NKD1: variants seen among roughly 807,000 people sequenced by gnomAD.
NKD1 encodes protein naked cuticle homolog 1.
Under a neutral mutation model 56.0 loss-of-function variants are expected in NKD1, and 21 were observed. That is an observed-to-expected ratio of 0.38 (90% CI 0.27 to 0.54). The LOEUF is 0.54. Ranked by LOEUF, NKD1 falls within the 20% of genes least tolerant of loss-of-function variation. The probability of loss-of-function intolerance (pLI) is 0.82; values close to 1 mark genes in which losing one functional copy is unlikely to be tolerated. For missense variants in NKD1, 578 were observed against 642.7 expected, an observed-to-expected ratio of 0.90 and a Z score of 1.09; for synonymous variants, 263 against 265.7, an observed-to-expected ratio of 0.99 and a Z score of 0.10.
chr16:50,560,856 A>ATCTC (rs1301678611), intron 3 of NKD1, among the ~76,000 whole-genome samples: 3 of 151,716 alleles, frequency 2.0e-5, no homozygotes, highest in African/African-American at 4.9e-5. Flanking sequence ...CTATCTATCT[A>ATCTC]TCTATCTACA....
intron 3 of NKD1, chr16:50,606,995 C>A (rs1383194358): frequency 6.6e-6 from 3 of 457,006 alleles, no homozygotes; most frequent in South Asian, 4.6e-5. Flanking sequence ...AGCCAGTTTA[C>A]AAGCCCAGGA....
At position 50,623,996 on chromosome 16, in the gene NKD1, G is replaced by A. The variant is rs74017748; in HGVS notation, c.367-1489G>A. On this transcript the variant is annotated intron_variant, in intron 5 of 9. Coordinates refer to ENST00000268459, the MANE Select transcript of NKD1 (RefSeq NM_033119.5). This position sits in a 1 kb window ranked among gnomAD's most constrained non-coding sequence, Gnocchi z 4.1. ...GGCTTTGAACTCAGCGTGGGCGCCC[G>A]AGAATTGCTGGAGGGAAATGGCTTA... Among the ~76,000 whole-genome samples, 3,395 of 152,128 alleles carry A rather than the reference G, an allele frequency of 0.022. 138 individuals are homozygous for A. Among genetic ancestry groups the A allele is most frequent in the African/African-American group, 0.076 (3,171 of 41,466 alleles).
At chr16:50,625,862 C>G (rs1289037119) in intron 6 of NKD1, among the ~76,000 whole-genome samples, 2 of 152,242 alleles carry the variant, frequency 1.3e-5, no homozygotes, top group Non-Finnish European at 2.9e-5. Context: ...GGTGCAGAGC[C>G]CTAGGGCCTC....
At chr16:50,560,932 G>T (rs1960617542) in intron 3 of NKD1, among the ~76,000 whole-genome samples, 1 of 152,014 alleles carries the variant, frequency 6.6e-6, no homozygotes, top group East Asian at 1.9e-4. Flanking sequence ...AAAAACGCTG[G>T]TGTGGGTCAC....
Position 50,598,441 on chromosome 16 carries a change from C to T in NKD1, c.193-9853C>T, listed in dbSNP as rs1961524242. 6.6e-6 allele frequency among the ~76,000 whole-genome samples: 1 copy of T among 152,196 alleles called. No individual in the cohort carries two copies. The highest frequency in any genetic ancestry group is 2.1e-4 in the South Asian group (1 of 4,832). ...CCAGGCTTCTTGGGTCCCCAAGCCC[C>T]TTCCCTGGGCAGGAGCACACATCCT... On this transcript the variant is annotated intron_variant, in intron 3 of 9. Coordinates refer to ENST00000268459, the MANE Select transcript of NKD1 (RefSeq NM_033119.5). This position sits in a 1 kb window ranked among gnomAD's most constrained non-coding sequence, Gnocchi z 4.2.
intron 3 of NKD1, among the ~76,000 whole-genome samples, chr16:50,583,005 C>T (rs575827420): frequency 1.2e-4 from 18 of 151,952 alleles, no homozygotes; most frequent in Admixed American, 4.6e-4. Context: ...GACTCCATCC[C>T]GGGAAAAAAA....
intron 4 of NKD1, chr16:50,616,199 G>C: frequency 2.4e-6 from 1 of 412,052 alleles, no homozygotes; most frequent in South Asian, 1.7e-5. Flanking sequence ...GTTCTGGCTT[G>C]TGTTAAATCT....
intron 2 of NKD1, among the ~76,000 whole-genome samples, chr16:50,549,154 C>CA (rs1739870190): frequency 6.6e-6 from 1 of 151,202 alleles, no homozygotes; most frequent in African/African-American, 2.4e-5. Flanking sequence ...TCCTGGCTGC[C>CA]AGTGCTCCCT....
intron 3 of NKD1, among the ~76,000 whole-genome samples, chr16:50,604,277 T>TA (rs1201328368): frequency 1.3e-5 from 2 of 152,162 alleles, no homozygotes; most frequent in Admixed American, 6.5e-5. Flanking sequence ...TAAAACAGGG[T>TA]AATCATGGCA....
In NKD1 at chr16:50,548,462, G is replaced by A; in HGVS notation, c.-92G>A. On this transcript the variant is annotated 5_prime_UTR_variant, in exon 1 of 10. Coordinates refer to ENST00000268459, the MANE Select transcript of NKD1 (RefSeq NM_033119.5). ...CGCCTCGGGCTCCGCTCGGCTCGGG[G>A]GCTGCTTCGGGAGGAGGAGAGCCAA... 3 of 1,037,566 alleles carry A rather than the reference G, an allele frequency of 2.9e-6. No homozygotes were observed. The highest frequency in any genetic ancestry group is 3.8e-6 in the Non-Finnish European group (3 of 781,880). 64.3% of individuals were successfully genotyped at this position (1,037,566 alleles called of 1,614,324 possible).
At chr16:50,616,987 C>T (rs370957185) in intron 4 of NKD1, among the ~76,000 whole-genome samples, 1 of 152,184 alleles carries the variant, frequency 6.6e-6, no homozygotes, top group Non-Finnish European at 1.5e-5. Context: ...AGGAGCTCAC[C>T]CTGTTGTACT....
chr16:50,551,164 G>GCT (rs1960375238), intron 3 of NKD1, among the ~76,000 whole-genome samples: 1 of 139,566 alleles, frequency 7.2e-6, no homozygotes, highest in South Asian at 2.6e-4. Context: ...AAAGTCTGTC[G>GCT]TTTTTAATTA....
At position 50,632,931 on chromosome 16, in the gene NKD1, G is replaced by T. The variant is rs1040474370; in HGVS notation, c.824-261G>T. On this transcript the variant is annotated intron_variant, in intron 9 of 9. Transcript: ENST00000268459. This position sits in a 1 kb window ranked among gnomAD's most constrained non-coding sequence, Gnocchi z 4.1. The stretch of plus-strand genomic sequence containing the variant: ...GCCCCAGTGACCTTAGATAGTTTTC[G>T]GGGTCTCTGCTGCCATCTGTCTTTC... Among the ~76,000 whole-genome samples the T allele has an allele frequency of 7.2e-5, 11 of 152,014 alleles. No individual in the cohort carries two copies. The highest frequency in any genetic ancestry group is 2.7e-4 in the African/African-American group (11 of 41,364).
At chr16:50,608,631 G>A (rs886892817) in intron 4 of NKD1, among the ~76,000 whole-genome samples, 3 of 152,206 alleles carry the variant, frequency 2.0e-5, no homozygotes, top group African/African-American at 4.8e-5. Context: ...ATCTCGGACA[G>A]GTTGTTGAAA....
intron 6 of NKD1, among the ~76,000 whole-genome samples, chr16:50,629,856 C>T (rs376864365): frequency 1.3e-5 from 2 of 152,160 alleles, no homozygotes; most frequent in East Asian, 3.8e-4. Flanking sequence ...ATTTCTAAAC[C>T]CTCCCTCTAT....
At chr16:50,584,962 C>T (rs1030538175) in intron 3 of NKD1, among the ~76,000 whole-genome samples, 7 of 152,320 alleles carry the variant, frequency 4.6e-5, no homozygotes, top group East Asian at 3.9e-4. Context: ...CCTGGCTGCA[C>T]GGACCCCCGA....
chr16:50,625,037 G>A (rs560764618), intron 5 of NKD1, among the ~76,000 whole-genome samples: 1 of 152,262 alleles, frequency 6.6e-6, no homozygotes, highest in Admixed American at 6.5e-5. Context: ...ACACAGCTGT[G>A]GAGGGGCCTG....
At position 50,623,199 on chromosome 16, in the gene NKD1, C is replaced by T. The variant is rs1299820419; in HGVS notation, c.366+1491C>T. ...GATGGTGGGACATGGGGGAGACGCC[C>T]TGTGTGCAGGGTCTCTGGTGACCGA... On this transcript the variant is annotated intron_variant, in intron 5 of 9. Coordinates refer to ENST00000268459, the MANE Select transcript of NKD1 (RefSeq NM_033119.5). This position sits in a 1 kb window ranked among gnomAD's most constrained non-coding sequence, Gnocchi z 4.1. Among the ~76,000 whole-genome samples, 1 of 151,800 alleles carries T rather than the reference C, an allele frequency of 6.6e-6. No individual in the cohort carries two copies. The highest frequency in any genetic ancestry group is 2.4e-5 in the African/African-American group (1 of 41,344).
chr16:50,594,251 C>T (rs576432876), intron 3 of NKD1, among the ~76,000 whole-genome samples: 2 of 152,336 alleles, frequency 1.3e-5, no homozygotes, highest in African/African-American at 2.4e-5. Flanking sequence ...TGGCCTCTCA[C>T]GTAGCTGGAT....
Sources: gnomAD v4.1 joint callset for allele counts (sites outside exome capture counted in the v4.1 genomes callset) on GRCh38, gnomAD v4.1.1 for gene constraint, Gnocchi (gnomAD v3.1) non-coding constraint, MANE v1.5 for transcripts, NCBI Gene and HGNC (gene_info 2026-07-23, HGNC 2026-07-21) for gene names.